Variants in PTK2B observed in about 807,000 individuals in gnomAD.
The protein encoded by PTK2B is protein-tyrosine kinase 2-beta.
In PTK2B, 71 loss-of-function variants were observed where a neutral mutation model predicts 142.9. The observed-to-expected ratio is 0.50, with a 90% CI of 0.41 to 0.61. PTK2B has a LOEUF of 0.61. Ranked by LOEUF, PTK2B falls within the 20% of genes least tolerant of loss-of-function variation. The probability of loss-of-function intolerance (pLI) is 0.00; values close to 1 mark genes in which losing one functional copy is unlikely to be tolerated. For missense variants in PTK2B, 1,105 were observed against 1,320.4 expected (o/e 0.84, Z 2.53); for synonymous variants, 519 against 503.4 (o/e 1.03, Z -0.42).
intron 30 of PTK2B, among the ~76,000 whole-genome samples, chr8:27,457,844 A>G (rs1812229093): frequency 6.6e-6 from 1 of 152,060 alleles, no homozygotes; most frequent in Non-Finnish European, 1.5e-5. Flanking sequence ...GCGTAATTGC[A>G]GGTGCCTGTA....
chr8:27,368,015 A>G (rs1297121806), intron 1 of PTK2B, among the ~76,000 whole-genome samples: 1 of 152,232 alleles, frequency 6.6e-6, no homozygotes, highest in African/African-American at 2.4e-5. Context: ...GCCCCACGGA[A>G]TAGGGTGCTG....
intron 1 of PTK2B, among the ~76,000 whole-genome samples, chr8:27,361,966 C>T (rs1161197505): frequency 6.6e-6 from 1 of 152,212 alleles, no homozygotes; most frequent in Non-Finnish European, 1.5e-5. Context: ...GACAAGCACA[C>T]TCTATGTGTT....
intron 30 of PTK2B, among the ~76,000 whole-genome samples, chr8:27,456,146 AT>A (rs1384589943): frequency 1.3e-5 from 2 of 152,192 alleles, no homozygotes; most frequent in Non-Finnish European, 2.9e-5. Context: ...TCATTTGTAA[AT>A]ACCTCTTGAG....
chr8:27,403,551 TC>T (rs1007147826), intron 2 of PTK2B, among the ~76,000 whole-genome samples: 1 of 152,228 alleles, frequency 6.6e-6, no homozygotes, highest in Admixed American at 6.5e-5. Flanking sequence ...ATTTTCTATT[TC>T]CTTTTTGTTT....
rs187166591 is a variant in PTK2B, at chr8:27,393,735, C to G, written c.-37-3813C>G. Among the ~76,000 whole-genome samples, 4 of 152,014 alleles carry G rather than the reference C, an allele frequency of 2.6e-5. No homozygotes were observed. The East Asian group carries it at 7.8e-4, about 29-fold the overall frequency. On this transcript the variant is annotated intron_variant, in intron 1 of 30. Transcript: ENST00000346049. ...AATTGAGCCGAAAGTGCAGAGTGTT[C>G]CCACATGCACCCTGCCCTGACACAA...
At chr8:27,440,785 C>G (rs939950615) in intron 21 of PTK2B, among the ~76,000 whole-genome samples, 5 of 152,218 alleles carry the variant, frequency 3.3e-5, no homozygotes, top group Non-Finnish European at 7.3e-5. Flanking sequence ...TTCCTCTCGC[C>G]TTGTCTCTCG....
intron 2 of PTK2B, among the ~76,000 whole-genome samples, chr8:27,404,006 T>C (rs1298215773): frequency 6.7e-6 from 1 of 148,490 alleles, no homozygotes; most frequent in East Asian, 2.0e-4. Flanking sequence ...CTTTCTCTTC[T>C]TCTCAAGCCA....
chr8:27,450,737 C>T lies in PTK2B; in HGVS notation c.2341-12C>T, dbSNP rs1232695653. 1.5e-5 allele frequency: 25 copies of T among 1,613,910 alleles called. No individual in the cohort carries two copies. The highest frequency in any genetic ancestry group is 1.9e-5 in the Non-Finnish European group (23 of 1,179,908). Reference sequence around the variant, plus strand: ...CATTGCATCCTCTCCCTTCTCTCTGCCGTCCTCCCAGGAGGAGGACTTCAT... The same window carrying T: ...CATTGCATCCTCTCCCTTCTCTCTGTCGTCCTCCCAGGAGGAGGACTTCAT... On this transcript the variant is annotated splice_polypyrimidine_tract_variant and intron_variant, in intron 24 of 30. Coordinates refer to ENST00000346049, the MANE Select transcript of PTK2B (RefSeq NM_173176.3).
In PTK2B at chr8:27,420,090, G is replaced by A. The variant is rs1431878423; in HGVS notation, c.383+17G>A. On this transcript the variant is annotated intron_variant, in intron 3 of 30. Coordinates refer to ENST00000346049, the MANE Select transcript of PTK2B (RefSeq NM_173176.3). ...CGAGTGGAGGTAGGAGTGGATTCCT[G>A]GGCTCTGGAAGTGGGAAGGAGAGGA... 2 of 1,612,748 alleles carry A rather than the reference G, an allele frequency of 1.2e-6. No homozygotes were observed. Among genetic ancestry groups the A allele is most frequent in the Non-Finnish European group, 1.7e-6 (2 of 1,179,000 alleles).
chr8:27,443,345 C>T (rs544981032), intron 22 of PTK2B, among the ~76,000 whole-genome samples: 20 of 152,228 alleles, frequency 1.3e-4, no homozygotes, highest in Non-Finnish European at 2.8e-4. Context: ...CGCATGGCCA[C>T]CCTGAGCTCA....
chr8:27,458,767 C>T lies in PTK2B; in HGVS notation c.*258C>T. Reference sequence around the variant, plus strand: ...TCAGAGGGGGACTGCTGCTGCCTGGCCACTGCTCCCTAAGCCAGCCTGGTC... The same window carrying T: ...TCAGAGGGGGACTGCTGCTGCCTGGTCACTGCTCCCTAAGCCAGCCTGGTC... On this transcript the variant is annotated 3_prime_UTR_variant, in exon 31 of 31. Coordinates refer to ENST00000346049, the MANE Select transcript of PTK2B (RefSeq NM_173176.3). 1 of 549,456 alleles carries T rather than the reference C, an allele frequency of 1.8e-6. No individual in the cohort carries two copies. Among genetic ancestry groups the T allele is most frequent in the Admixed American group, 3.2e-5 (1 of 31,488 alleles). The allele number at this position is 549,456 out of a possible 1,614,324, so 34.0% of individuals were successfully genotyped here.
chr8:27,433,663 C>T lies in PTK2B; in HGVS notation c.1105+111C>T, dbSNP rs1261278737. 15 of 955,692 alleles carry T rather than the reference C, an allele frequency of 1.6e-5. No individual in the cohort carries two copies. The East Asian group carries it at 3.0e-4, about 19-fold the overall frequency. 59.2% of individuals were successfully genotyped at this position (955,692 alleles called of 1,614,324 possible). ...ACTGATGGATAAGTGAATGAGGATT[C>T]TTCCCCCACAGCCCAGCGGGAAGCT... On this transcript the variant is annotated intron_variant, in intron 11 of 30. Coordinates refer to ENST00000346049, the MANE Select transcript of PTK2B (RefSeq NM_173176.3).
intron 2 of PTK2B, chr8:27,312,512 C>G (rs915653297): frequency 6.6e-6 from 1 of 152,130 alleles, no homozygotes; most frequent in African/African-American, 2.4e-5. Context: ...ACTATTATTG[C>G]TGTTAGTATT....
intron 1 of PTK2B, among the ~76,000 whole-genome samples, chr8:27,359,157 C>T (rs1441839094): frequency 6.6e-6 from 1 of 152,052 alleles, no homozygotes; most frequent in Non-Finnish European, 1.5e-5. Flanking sequence ...GCTCTGTCAC[C>T]CAGGCTGGAG....
chr8:27,369,636 C>T (rs1268054899), intron 1 of PTK2B, among the ~76,000 whole-genome samples: 2 of 152,104 alleles, frequency 1.3e-5, no homozygotes, highest in Non-Finnish European at 2.9e-5. Flanking sequence ...TGCCACTGTA[C>T]TTCAGCCTGG....
At chr8:27,405,030 CTCT>C (rs1808618114) in intron 2 of PTK2B, among the ~76,000 whole-genome samples, 1 of 123,448 alleles carries the variant, frequency 8.1e-6, no homozygotes, top group East Asian at 2.1e-4. Context: ...TCCTCTCTTT[CTCT>C]TCCTCTCTCT....
At chr8:27,331,906 C>G (rs901074087) in intron 1 of PTK2B, among the ~76,000 whole-genome samples, 10 of 152,198 alleles carry the variant, frequency 6.6e-5, no homozygotes, top group Non-Finnish European at 1.3e-4. Context: ...AAAACCCAAC[C>G]CCTCTCACCC....
At chr8:27,350,053 CTG>C (rs1804951489) in intron 1 of PTK2B, among the ~76,000 whole-genome samples, 1 of 152,206 alleles carries the variant, frequency 6.6e-6, no homozygotes, top group Non-Finnish European at 1.5e-5. Context: ...GTATATAACT[CTG>C]TTCTTTCAGT....
At position 27,336,490 on chromosome 8, in the gene PTK2B, T is replaced by C. The variant is rs17057031; in HGVS notation, c.-38+10809T>C. ...GCTGGCATTGAGTACGTACAATGTG[T>C]GCCTGATATAAGGCAGCTCTGTTCT... On this transcript the variant is annotated intron_variant, in intron 1 of 30. Coordinates refer to ENST00000346049, the MANE Select transcript of PTK2B (RefSeq NM_173176.3). Among the ~76,000 whole-genome samples, 826 of 152,274 alleles carry C rather than the reference T, an allele frequency of 5.4e-3. 5 individuals are homozygous for C. Among genetic ancestry groups the C allele is most frequent in the African/African-American group, 0.019 (771 of 41,550 alleles).
Sources: gnomAD v4.1 joint callset for allele counts (sites outside exome capture counted in the v4.1 genomes callset) on GRCh38, gnomAD v4.1.1 for gene constraint, MANE v1.5 for transcripts, NCBI Gene and HGNC (gene_info 2026-07-23, HGNC 2026-07-21) for gene names.